The following PIGG variants were observed in gnomAD, a reference collection of about 807,000 sequenced individuals.
PIGG encodes the protein GPI ethanolamine phosphate transferase 2, catalytic subunit.
In PIGG, 70 loss-of-function variants were observed where a neutral mutation model predicts 83.2. The observed-to-expected ratio is 0.84, with a 90% CI of 0.69 to 1.03. The LOEUF (loss-of-function observed/expected upper bound fraction) is 1.03. Ranked by LOEUF, PIGG falls within the 50% of genes least tolerant of loss-of-function variation. The pLI is 0.00. For missense variants in PIGG, 1,257 were observed against 1,233.6 expected, an observed-to-expected ratio of 1.02 and a Z score of -0.28; for synonymous variants, 532 against 519.5, an observed-to-expected ratio of 1.02 and a Z score of -0.33.
rs147110508 is a variant in PIGG at position 521,875 on chromosome 4, G to A, written c.1548G>A (p.Ser516=). 23 of 1,614,080 alleles carry A rather than the reference G, an allele frequency of 1.4e-5. No homozygotes were observed. The highest frequency in any genetic ancestry group is 1.6e-5 in the Non-Finnish European group (19 of 1,180,042). The change falls in exon 8 of 13, where the codon TCG becomes TCA. Residue 516 remains serine, a synonymous_variant. Coordinates refer to ENST00000453061, the MANE Select transcript of PIGG (RefSeq NM_001127178.3). ...CAGGTGGGGTGATGGTGCTGGCCTC[G>A]GCGCTGCTGTGTGTGATTGTGTCTG... The part of the protein sequence containing the change: ...LAAGGVMVLA[S]ALLCVIVSVL...
At chr4:501,296 G>T in intron 2 of PIGG, 1 of 368,116 alleles carries the variant, frequency 2.7e-6, no homozygotes, top group South Asian at 2.1e-5. Context: ...TAGATATACA[G>T]CCACTCAACA....
At chr4:534,706 AC>A (rs1390968680) in intron 12 of PIGG, among the ~76,000 whole-genome samples, 35 of 150,946 alleles carry the variant, frequency 2.3e-4, no homozygotes, top group African/African-American at 7.6e-4. Context: ...CAGAAGTTCC[AC>A]CGGGGGGACC....
chr4:513,878 A>C (rs959804534), intron 5 of PIGG, among the ~76,000 whole-genome samples: 9 of 152,236 alleles, frequency 5.9e-5, no homozygotes, highest in African/African-American at 2.2e-4. Context: ...TCAAGAGGCC[A>C]GAAATAGACC....
intron 6 of PIGG, among the ~76,000 whole-genome samples, chr4:519,168 G>A (rs1724943701): frequency 6.6e-6 from 1 of 152,098 alleles, no homozygotes; most frequent in Non-Finnish European, 1.5e-5. Context: ...TGGGAAACTT[G>A]TAATTACAGC....
At chr4:527,570 T>G in intron 10 of PIGG, 1 of 1,031,492 alleles carries the variant, frequency 9.7e-7, no homozygotes, top group Non-Finnish European at 1.2e-6. Context: ...TCTAAGTTAG[T>G]GGCAGCACGT....
At chr4:504,051 C>T (rs1438942608) in intron 2 of PIGG, among the ~76,000 whole-genome samples, 4 of 152,122 alleles carry the variant, frequency 2.6e-5, no homozygotes, top group Non-Finnish European at 4.4e-5. Flanking sequence ...TCCAGGCAAA[C>T]CCCACCTCAG....
intron 12 of PIGG, among the ~76,000 whole-genome samples, chr4:538,172 C>T (rs751535391): frequency 2.7e-5 from 4 of 145,652 alleles, no homozygotes; most frequent in South Asian, 2.2e-4. Context: ...GGGCTGCCTC[C>T]GGGCCCTTTC....
intron 6 of PIGG, among the ~76,000 whole-genome samples, chr4:518,319 T>C (rs1322055841): frequency 6.6e-6 from 1 of 152,220 alleles, no homozygotes; most frequent in Non-Finnish European, 1.5e-5. Flanking sequence ...ATTGGCCAGG[T>C]GTGGTGGCTC....
At chr4:522,081 G>C (rs760991437) in intron 8 of PIGG, 140 bp downstream of exon 8, 1 of 891,038 alleles carries the variant, frequency 1.1e-6, no homozygotes, top group African/African-American at 1.6e-5. Context: ...TGGACAGGGG[G>C]CCTCAGGGAA....
intron 9 of PIGG, among the ~76,000 whole-genome samples, chr4:524,375 G>A (rs1001762200): frequency 1.3e-5 from 2 of 152,186 alleles, no homozygotes; most frequent in African/African-American, 4.8e-5. Flanking sequence ...GGTTCATCTT[G>A]GCTCTCAGCT....
rs765820128 is a variant in PIGG at position 521,848 on chromosome 4, G to A, written c.1521G>A (p.Ala507=). ...SCYFCGLSWL[A]AGGVMVLASA... is the part of the protein sequence containing the mutation. ...ACTTCTGTGGCCTCTCGTGGCTGGC[G>A]GCAGGTGGGGTGATGGTGCTGGCCT... Residue 507 remains alanine (A), a synonymous_variant, in exon 8 of 13, where the codon GCG becomes GCA. Coordinates refer to ENST00000453061, the MANE Select transcript of PIGG (RefSeq NM_001127178.3). The A allele has an allele frequency of 2.4e-5, 38 of 1,614,054 alleles. No homozygotes were observed. The highest frequency in any genetic ancestry group is 2.7e-5 in the Non-Finnish European group (32 of 1,180,036).
At chr4:512,774 C>T (rs543021804) in intron 5 of PIGG, among the ~76,000 whole-genome samples, 11 of 152,146 alleles carry the variant, frequency 7.2e-5, no homozygotes, top group Non-Finnish European at 1.3e-4. Context: ...GAGATCGCAC[C>T]ACTGCACTCC....
intron 12 of PIGG, among the ~76,000 whole-genome samples, chr4:534,587 A>T (rs373351927): frequency 2.6e-5 from 4 of 152,204 alleles, no homozygotes; most frequent in African/African-American, 9.6e-5. Flanking sequence ...AAGTCCCTTC[A>T]AGCTGCGTCT....
At chr4:518,090 C>T (rs564539822) in intron 6 of PIGG, among the ~76,000 whole-genome samples, 3 of 152,222 alleles carry the variant, frequency 2.0e-5, no homozygotes, top group African/African-American at 4.8e-5. Flanking sequence ...GCTTGGGAAC[C>T]GGATGTGATG....
At position 539,632 on chromosome 4, in the gene PIGG, A is replaced by C. The variant is rs1432189217; in HGVS notation, c.*263A>C. 1.1e-5 allele frequency: 4 copies of C among 372,708 alleles called. No homozygotes were observed. The highest frequency in any genetic ancestry group is 1.9e-5 in the Non-Finnish European group (4 of 205,272). 23.1% of individuals were successfully genotyped at this position (372,708 alleles called of 1,614,324 possible). A position where few individuals can be genotyped will look rare whatever the true frequency, so the allele number is the denominator to read the frequency against. On this transcript the variant is annotated 3_prime_UTR_variant, in exon 13 of 13. Coordinates refer to ENST00000453061, the MANE Select transcript of PIGG (RefSeq NM_001127178.3). ...GGTGTGACCCAAATATGTGTGTTTA[A>C]ATCAATGAATGAAAAGGTTCTGGAC...
intron 8 of PIGG, 23 bp from the exon 9 acceptor site, chr4:523,436 A>C: frequency 3.2e-6 from 5 of 1,544,930 alleles, no homozygotes; most frequent in Non-Finnish European, 4.4e-6. Context: ...CGTCTCTTAC[A>C]AAGTGCACTT....
At chr4:501,062 G>A (rs782549229) in intron 2 of PIGG, 7 of 453,694 alleles carry the variant, frequency 1.5e-5, no homozygotes, top group Non-Finnish European at 2.6e-5. Flanking sequence ...AGTATGTTCC[G>A]GCCTCAACAA....
intron 6 of PIGG, among the ~76,000 whole-genome samples, chr4:520,508 G>A (rs764381924): frequency 6.6e-6 from 1 of 152,214 alleles, no homozygotes; most frequent in Non-Finnish European, 1.5e-5. Context: ...TTGTAAGGAA[G>A]TAACCCAGGC....
At chr4:525,400 AG>A in intron 9 of PIGG, 4 of 980,470 alleles carry the variant, frequency 4.1e-6, no homozygotes, top group Non-Finnish European at 4.8e-6. Flanking sequence ...CTGCGGCGAG[AG>A]TAACAGCAAG....
Sources: gnomAD v4.1 joint callset for allele counts (sites outside exome capture counted in the v4.1 genomes callset) on GRCh38, gnomAD v4.1.1 for gene constraint, MANE v1.5 for transcripts, NCBI Gene and HGNC (gene_info 2026-07-23, HGNC 2026-07-21) for gene names.